Variants in GABRB1 observed in about 807,000 individuals in gnomAD.
GABRB1 encodes gamma-aminobutyric acid type A receptor subunit beta1, also known as gamma-aminobutyric acid receptor subunit beta-1.
A neutral mutation model predicts 51.6 loss-of-function variants in GABRB1; 17 were observed. The observed-to-expected ratio is 0.33, with a 90% CI of 0.23 to 0.49. GABRB1 has a LOEUF of 0.49. GABRB1 is among the 20% of genes least tolerant of loss of function. The probability of loss-of-function intolerance (pLI) is 0.99; values close to 1 mark genes in which losing one functional copy is unlikely to be tolerated. For missense variants in GABRB1, 410 were observed against 600.6 expected (o/e 0.68, Z 3.32); for synonymous variants, 247 against 218.9 (o/e 1.13, Z -1.14).
chr4:47,426,020 G>A lies in GABRB1; in HGVS notation c.*2G>A. 3 of 1,572,806 alleles carry A rather than the reference G, an allele frequency of 1.9e-6. No homozygotes were observed. The highest frequency in any genetic ancestry group is 8.6e-7 in the Non-Finnish European group (1 of 1,156,866). On this transcript the variant is annotated 3_prime_UTR_variant, in exon 9 of 9. Transcript: ENST00000295454. Reference sequence around the variant, plus strand: ...TATTGGCTTTACTATGTACACTGAGGTCTGTTCTAATGGTTCCATTTAGAC... The same window carrying A: ...TATTGGCTTTACTATGTACACTGAGATCTGTTCTAATGGTTCCATTTAGAC...
chr4:47,384,398 G>C (rs1264921115), intron 5 of GABRB1, among the ~76,000 whole-genome samples: 1 of 145,554 alleles, frequency 6.9e-6, no homozygotes, highest in Non-Finnish European at 1.5e-5. Context: ...TCAGTGAAAA[G>C]TGACCCCCAC....
intron 5 of GABRB1, among the ~76,000 whole-genome samples, chr4:47,322,842 A>C (rs552694339): frequency 1.3e-5 from 2 of 152,158 alleles, no homozygotes; most frequent in East Asian, 3.9e-4. Context: ...GCTGGCATGC[A>C]CCTGTAGTAC....
chr4:47,039,807 T>C (rs1725751176), intron 3 of GABRB1, among the ~76,000 whole-genome samples: 1 of 152,222 alleles, frequency 6.6e-6, no homozygotes. Flanking sequence ...AGATAATTCC[T>C]ATTGCGAAAA....
intron 4 of GABRB1, among the ~76,000 whole-genome samples, chr4:47,234,257 G>A (rs750404783): frequency 1.2e-4 from 19 of 152,148 alleles, no homozygotes; most frequent in Non-Finnish European, 2.5e-4. Context: ...GAAGGCCAAG[G>A]CGGGTGGATC....
intron 4 of GABRB1, among the ~76,000 whole-genome samples, chr4:47,238,144 T>C (rs1721396235): frequency 6.6e-6 from 1 of 152,010 alleles, no homozygotes; most frequent in Non-Finnish European, 1.5e-5. Context: ...CAAATGGATA[T>C]GCCTGAACAT....
At chr4:47,074,493 G>A (rs190864369) in intron 3 of GABRB1, among the ~76,000 whole-genome samples, 59 of 151,852 alleles carry the variant, frequency 3.9e-4, no homozygotes, top group African/African-American at 1.4e-3. Flanking sequence ...CTATAAAATG[G>A]GTATAAAATA....
At chr4:47,298,465 T>G (rs1414694626) in intron 4 of GABRB1, among the ~76,000 whole-genome samples, 8 of 152,088 alleles carry the variant, frequency 5.3e-5, no homozygotes, top group Non-Finnish European at 1.2e-4. Context: ...GAGAGCCAAA[T>G]CATAAGTGAA....
intron 4 of GABRB1, among the ~76,000 whole-genome samples, chr4:47,206,416 T>C (rs955991254): frequency 6.6e-6 from 1 of 152,004 alleles, no homozygotes; most frequent in Non-Finnish European, 1.5e-5. Flanking sequence ...CAAAGGTATA[T>C]CTAATTCTGT....
chr4:47,368,536 A>T (rs1389813223), intron 5 of GABRB1, among the ~76,000 whole-genome samples: 2 of 152,092 alleles, frequency 1.3e-5, no homozygotes, highest in Non-Finnish European at 2.9e-5. Flanking sequence ...ATCTAGTACA[A>T]AATCTAATGG....
intron 4 of GABRB1, among the ~76,000 whole-genome samples, chr4:47,250,778 G>A (rs1721957464): frequency 6.6e-6 from 1 of 152,082 alleles, no homozygotes; most frequent in African/African-American, 2.4e-5. Context: ...GCATTTCTGT[G>A]TGTCCAATGT....
At chr4:47,121,217 T>C (rs1326135218) in intron 3 of GABRB1, among the ~76,000 whole-genome samples, 1 of 152,130 alleles carries the variant, frequency 6.6e-6, no homozygotes, top group African/African-American at 2.4e-5. Flanking sequence ...CCATGTGTGT[T>C]GGCTGAGTTC....
At chr4:47,205,417 C>A (rs1720076656) in intron 4 of GABRB1, among the ~76,000 whole-genome samples, 1 of 152,084 alleles carries the variant, frequency 6.6e-6, no homozygotes, top group Admixed American at 6.6e-5. Flanking sequence ...TATGGGACAT[C>A]TTTGATGTCT....
intron 1 of GABRB1, among the ~76,000 whole-genome samples, chr4:46,995,636 T>C (rs572398832): frequency 6.6e-6 from 1 of 152,352 alleles, no homozygotes; most frequent in African/African-American, 2.4e-5. Flanking sequence ...AGTGCTGGTA[T>C]GACAGATGTA....
chr4:47,300,582 A>G (rs1284388320), intron 4 of GABRB1, among the ~76,000 whole-genome samples: 1 of 152,072 alleles, frequency 6.6e-6, no homozygotes, highest in Non-Finnish European at 1.5e-5. Flanking sequence ...TTATAATGTA[A>G]TTTGTCAATG....
chr4:47,008,462 T>C (rs868385423), intron 1 of GABRB1, among the ~76,000 whole-genome samples: 2 of 151,596 alleles, frequency 1.3e-5, no homozygotes, highest in Non-Finnish European at 2.9e-5. Flanking sequence ...TAAAATATTT[T>C]ACTTTTTTTT....
At chr4:47,010,020 T>G (rs1724539533) in intron 1 of GABRB1, among the ~76,000 whole-genome samples, 1 of 152,282 alleles carries the variant, frequency 6.6e-6, no homozygotes, top group South Asian at 2.1e-4. Flanking sequence ...GCAGATAAAC[T>G]TTACCTACCA....
chr4:47,177,814 T>C (rs975679464), intron 4 of GABRB1, among the ~76,000 whole-genome samples: 31 of 69,204 alleles, frequency 4.5e-4, no homozygotes, highest in Non-Finnish European at 5.2e-4. Flanking sequence ...ATAAGAACAG[T>C]GGTTTTTTTT....
intron 4 of GABRB1, among the ~76,000 whole-genome samples, chr4:47,274,205 T>C (rs1722985941): frequency 6.6e-6 from 1 of 152,176 alleles, no homozygotes. Context: ...TCAGTTTCTA[T>C]ATCTGTAATA....
At chr4:47,199,521 T>C (rs867376513) in intron 4 of GABRB1, among the ~76,000 whole-genome samples, 12 of 152,094 alleles carry the variant, frequency 7.9e-5, no homozygotes, top group Non-Finnish European at 1.6e-4. Flanking sequence ...ACATAGTTTT[T>C]AAGAATTTTA....
Sources: gnomAD v4.1 joint callset for allele counts (sites outside exome capture counted in the v4.1 genomes callset) on GRCh38, gnomAD v4.1.1 for gene constraint, MANE v1.5 for transcripts, NCBI Gene and HGNC (gene_info 2026-07-23, HGNC 2026-07-21) for gene names.